Variants in POM121 observed in about 807,000 individuals in gnomAD.
POM121 encodes POM121 transmembrane nucleoporin.
POM121 carries 32 observed loss-of-function variants against 81.3 expected under a neutral mutation model. The ratio of observed to expected loss-of-function variants is 0.39; its 90% CI spans 0.30 to 0.53. The LOEUF (loss-of-function observed/expected upper bound fraction) is 0.53, where lower values mean the gene tolerates loss of function less well. Ranked by LOEUF, POM121 falls within the 20% of genes least tolerant of loss-of-function variation. The pLI, the probability that POM121 is intolerant of heterozygous loss-of-function variation, is 0.66. For missense variants in POM121, 1,138 were observed against 1,614.6 expected, an observed-to-expected ratio of 0.70 and a Z score of 5.06; for synonymous variants, 514 against 694.2, an observed-to-expected ratio of 0.74 and a Z score of 4.08.
downstream of POM121, chr7:72,950,077 T>C (rs782355569): frequency 1.5e-5 from 24 of 1,577,108 alleles, no homozygotes; most frequent in Non-Finnish European, 2.0e-5. Flanking sequence ...CAGAATGAGG[T>C]GTCCGGCCCG....
downstream of POM121, chr7:72,950,842 CAA>C (rs1797984638): frequency 5.3e-5 from 1 of 18,914 alleles, no homozygotes; most frequent in Non-Finnish European, 8.3e-5. Context: ...GAGGATCTTA[CAA>C]AGAGTAAGGG....
At chr7:72,905,983 T>C (rs1793199199) in intron 3 of POM121, among the ~76,000 whole-genome samples, 1 of 152,218 alleles carries the variant, frequency 6.6e-6, no homozygotes, top group Non-Finnish European at 1.5e-5. Context: ...ACCCTCAAAA[T>C]GTGATTCTCT....
chr7:72,940,257 G>A (rs573546189), intron 8 of POM121, among the ~76,000 whole-genome samples, 157 bp from the exon 9 acceptor site: 2 of 149,310 alleles, frequency 1.3e-5, no homozygotes, highest in East Asian at 3.9e-4. Context: ...GTAGAGATGG[G>A]GTTTCACCAT....
chr7:72,899,714 G>A (rs1311209172), intron 3 of POM121, among the ~76,000 whole-genome samples: 4 of 151,882 alleles, frequency 2.6e-5, no homozygotes, highest in African/African-American at 9.7e-5. Context: ...AAGTAGCTGG[G>A]ACTACAGGCA....
chr7:72,936,741 A>C (rs1796549511), intron 5 of POM121, among the ~76,000 whole-genome samples: 2 of 152,246 alleles, frequency 1.3e-5, no homozygotes, highest in South Asian at 4.1e-4. Context: ...TTGCTTGCTC[A>C]GTGATGTGTA....
intron 3 of POM121, among the ~76,000 whole-genome samples, chr7:72,893,340 T>C (rs1240241526): frequency 6.6e-6 from 1 of 151,692 alleles, no homozygotes; most frequent in Non-Finnish European, 1.5e-5. Flanking sequence ...TCCCAGCACT[T>C]TGGGAGGCCG....
At chr7:72,937,041 G>A (rs1586172054) in intron 5 of POM121, among the ~76,000 whole-genome samples, 1 of 151,970 alleles carries the variant, frequency 6.6e-6, no homozygotes, top group Admixed American at 6.5e-5. Flanking sequence ...CAGATCACGA[G>A]GTCAAGAGAT....
At position 72,926,789 on chromosome 7, in the gene POM121, T is replaced by G; in HGVS notation, c.861-13T>G. 1.2e-6 allele frequency: 2 copies of G among 1,611,516 alleles called. No individual in the cohort carries two copies. Among genetic ancestry groups the G allele is most frequent in the South Asian group, 2.2e-5 (2 of 90,776 alleles). ...AAAATATCTTACAGCTAGAATCTTGTCTTTCATTGTAGACCAGAGCAGATA... is the reference window on the plus strand; with the variant it reads ...AAAATATCTTACAGCTAGAATCTTGGCTTTCATTGTAGACCAGAGCAGATA... On this transcript the variant is annotated splice_polypyrimidine_tract_variant and intron_variant, in intron 2 of 12. Transcript: ENST00000434423.
At chr7:72,931,242 A>G (rs1405315481) in intron 5 of POM121, among the ~76,000 whole-genome samples, 2 of 152,094 alleles carry the variant, frequency 1.3e-5, no homozygotes, top group African/African-American at 4.8e-5. Context: ...TGGCTCCTGT[A>G]TCCTTTATTT....
At chr7:72,890,956 A>T in exon 3 of POM121, 1 of 1,330,218 alleles carries the variant, frequency 7.5e-7, no homozygotes, top group South Asian at 1.2e-5. Flanking sequence ...AACATCTTGT[A>T]CTTCGGAGAT....
chr7:72,906,899 G>A (rs1586105983), intron 3 of POM121, among the ~76,000 whole-genome samples: 2 of 151,718 alleles, frequency 1.3e-5, no homozygotes, highest in Admixed American at 6.6e-5. Context: ...AATGTACTGG[G>A]ATTACAGGCA....
intron 7 of POM121, 109 bp downstream of exon 7, chr7:72,939,518 A>G (rs1204750614): frequency 4.8e-6 from 7 of 1,449,494 alleles, no homozygotes; most frequent in Non-Finnish European, 6.5e-6. Flanking sequence ...GCTATGTCTA[A>G]GGCATGTTAG....
intron 1 of POM121, chr7:72,880,027 C>T (rs1355971675): frequency 7.3e-5 from 26 of 357,262 alleles, no homozygotes; most frequent in Non-Finnish European, 1.3e-4. Flanking sequence ...CAAGGTCCGG[C>T]TGCACCGAAC....
At chr7:72,930,685 A>C (rs1207298832) in intron 5 of POM121, among the ~76,000 whole-genome samples, 1 of 152,228 alleles carries the variant, frequency 6.6e-6, no homozygotes, top group Non-Finnish European at 1.5e-5. Context: ...GCTGCTGGAC[A>C]GACTTAGATT....
intron 3 of POM121, among the ~76,000 whole-genome samples, chr7:72,910,116 T>C (rs1554494032): frequency 6.6e-6 from 1 of 152,272 alleles, no homozygotes; most frequent in African/African-American, 2.4e-5. Context: ...TGCAGCTTGC[T>C]GCTAGCGTTC....
chr7:72,946,100 G>A (rs1554503152), intron 12 of POM121, 37 bp from the exon 13 acceptor site: 1 of 1,605,556 alleles, frequency 6.2e-7, no homozygotes, highest in East Asian at 2.2e-5. Context: ...GTCTCAGGTA[G>A]CAGCTGCCCT....
At chr7:72,905,564 G>C (rs533254616) in intron 3 of POM121, among the ~76,000 whole-genome samples, 2 of 152,266 alleles carry the variant, frequency 1.3e-5, no homozygotes, top group East Asian at 3.9e-4. Flanking sequence ...ACCAGGCATG[G>C]TGGTGCATGC....
At chr7:72,927,481 G>A (rs533704504) in intron 3 of POM121, among the ~76,000 whole-genome samples, 14 of 152,296 alleles carry the variant, frequency 9.2e-5, no homozygotes, top group African/African-American at 3.4e-4. Flanking sequence ...AGGCCGACAC[G>A]GGTGGATCAC....
intron 3 of POM121, among the ~76,000 whole-genome samples, chr7:72,894,644 AGAGAGAGAGAGAGAGAGAG>A (rs1791717027): frequency 2.2e-5 from 3 of 135,258 alleles, no homozygotes; most frequent in Admixed American, 7.8e-5. Flanking sequence ...AGAGAGAGAG[AGAGAGAGAGAGAGAGAGAG>A]AGAGAGAGAG....
Sources: allele counts gnomAD v4.1 joint callset (sites outside exome capture counted in the v4.1 genomes callset), GRCh38; gene constraint gnomAD v4.1.1; transcripts MANE v1.5; gene names NCBI Gene and HGNC (gene_info 2026-07-23, HGNC 2026-07-21).